Variants in KCNJ3 observed in about 807,000 individuals in gnomAD.
The protein encoded by KCNJ3 is potassium inwardly rectifying channel subfamily J member 3.
KCNJ3 carries 4 observed loss-of-function variants against 39.2 expected under a neutral mutation model. The ratio of observed to expected loss-of-function variants is 0.10; its 90% CI spans 0.05 to 0.23. KCNJ3 has a LOEUF of 0.23. Among genes scored for constraint, KCNJ3 ranks in the 10% least tolerant of loss-of-function variants. The pLI, the probability that KCNJ3 is intolerant of heterozygous loss-of-function variation, is 1.00. For synonymous variants in KCNJ3, 230 were observed against 237.4 expected, an observed-to-expected ratio of 0.97 and a Z score of 0.29; for missense variants, 276 against 634.9, an observed-to-expected ratio of 0.43 and a Z score of 6.08.
intron 2 of KCNJ3, among the ~76,000 whole-genome samples, chr2:154,817,457 A>C (rs902948090): frequency 6.6e-6 from 1 of 152,178 alleles, no homozygotes; most frequent in African/African-American, 2.4e-5. Flanking sequence ...AAGTTTGCAC[A>C]ATCACTGCTG....
chr2:154,760,644 C>T (rs1467020417), intron 2 of KCNJ3, among the ~76,000 whole-genome samples: 1 of 151,862 alleles, frequency 6.6e-6, no homozygotes, highest in Non-Finnish European at 1.5e-5. Context: ...GCCTCAACCT[C>T]CTGGGCTGAA....
chr2:154,783,698 T>G (rs2105205212), intron 2 of KCNJ3, among the ~76,000 whole-genome samples: 1 of 152,300 alleles, frequency 6.6e-6, no homozygotes, highest in East Asian at 1.9e-4. Context: ...TTGGCACAGC[T>G]GCTAAGTACT....
At chr2:154,813,850 C>T (rs73965506) in intron 2 of KCNJ3, among the ~76,000 whole-genome samples, 37 of 152,296 alleles carry the variant, frequency 2.4e-4, no homozygotes, top group African/African-American at 8.7e-4. Context: ...ATCTTCCTCA[C>T]ATAGAACAAT....
At chr2:154,788,622 AGTAACACTT>A (rs1456678816) in intron 2 of KCNJ3, among the ~76,000 whole-genome samples, 3 of 152,114 alleles carry the variant, frequency 2.0e-5, no homozygotes, top group Non-Finnish European at 4.4e-5. Flanking sequence ...TGAGATAGCC[AGTAACACTT>A]GTTATTGACA....
intron 2 of KCNJ3, among the ~76,000 whole-genome samples, chr2:154,772,601 T>G (rs939560958): frequency 6.6e-6 from 1 of 152,170 alleles, no homozygotes; most frequent in African/African-American, 2.4e-5. Context: ...CCTTTTACTT[T>G]CCATTTTACT....
chr2:154,829,320 C>CTTCT (rs1172068761), intron 2 of KCNJ3, among the ~76,000 whole-genome samples: 2 of 152,046 alleles, frequency 1.3e-5, no homozygotes, highest in Non-Finnish European at 2.9e-5. Context: ...CTATTGTTTC[C>CTTCT]TTCTTTATTT....
At position 154,712,194 on chromosome 2, in the gene KCNJ3, C is replaced by T. The variant is rs565484534; in HGVS notation, c.919+2375C>T. On this transcript the variant is annotated intron_variant, in intron 2 of 2. Coordinates refer to ENST00000295101, the MANE Select transcript of KCNJ3 (RefSeq NM_002239.4). ...ATAAAATCTCTGTATATTTCCAGAC[C>T]TCCCTGAGCCTGGTAAAAATAACAA... Among the ~76,000 whole-genome samples the T allele has an allele frequency of 2.7e-3, 412 of 152,232 alleles. 3 individuals carry two copies. Among genetic ancestry groups the T allele is most frequent in the African/African-American group, 9.4e-3 (392 of 41,538 alleles).
At chr2:154,734,766 TGA>T (rs996701760) in intron 2 of KCNJ3, among the ~76,000 whole-genome samples, 1 of 151,982 alleles carries the variant, frequency 6.6e-6, no homozygotes, top group Non-Finnish European at 1.5e-5. Flanking sequence ...AAAAAAACAT[TGA>T]GAGTGAGGTT....
At chr2:154,846,719 T>C (rs1236405036) in intron 2 of KCNJ3, among the ~76,000 whole-genome samples, 1 of 152,200 alleles carries the variant, frequency 6.6e-6, no homozygotes, top group Non-Finnish European at 1.5e-5. Flanking sequence ...CTTTAGCATC[T>C]GCACTTATCT....
At chr2:154,837,544 C>A (rs948549304) in intron 2 of KCNJ3, among the ~76,000 whole-genome samples, 8 of 152,030 alleles carry the variant, frequency 5.3e-5, no homozygotes, top group African/African-American at 1.9e-4. Context: ...GAATGGAAGA[C>A]TTTTATTATT....
At chr2:154,762,137 A>G (rs1409402515) in intron 2 of KCNJ3, among the ~76,000 whole-genome samples, 1 of 152,198 alleles carries the variant, frequency 6.6e-6, no homozygotes, top group Non-Finnish European at 1.5e-5. Flanking sequence ...CCTTGGTGTT[A>G]TACTTCTGAT....
At chr2:154,781,893 A>T (rs112844359) in intron 2 of KCNJ3, among the ~76,000 whole-genome samples, 2,423 of 152,290 alleles carry the variant, frequency 0.016, 61 homozygotes, top group African/African-American at 0.055. Flanking sequence ...AATTACATTT[A>T]TTCAGTGTTT....
At chr2:154,845,327 C>A (rs535425316) in intron 2 of KCNJ3, among the ~76,000 whole-genome samples, 1 of 151,976 alleles carries the variant, frequency 6.6e-6, no homozygotes, top group Admixed American at 6.6e-5. Context: ...CCATGTTGTT[C>A]AGGCTGGTCT....
chr2:154,740,405 A>G (rs1685632664), intron 2 of KCNJ3, among the ~76,000 whole-genome samples: 1 of 152,008 alleles, frequency 6.6e-6, no homozygotes, highest in Admixed American at 6.6e-5. Context: ...TTAGTAGCGT[A>G]ACTATTTAAT....
At chr2:154,813,785 G>C (rs1169590369) in intron 2 of KCNJ3, among the ~76,000 whole-genome samples, 1 of 152,184 alleles carries the variant, frequency 6.6e-6, no homozygotes, top group African/African-American at 2.4e-5. Flanking sequence ...AGGATACAAT[G>C]TTAACACTGT....
Position 154,708,451 on chromosome 2 carries a change from G to A in KCNJ3, c.703-1152G>A, listed in dbSNP as rs922121493. Among the ~76,000 whole-genome samples the A allele has an allele frequency of 5.9e-5, 9 of 152,230 alleles. No homozygotes were observed. In the South Asian group the frequency reaches 1.9e-3, roughly 32 times the overall value. On this transcript the variant is annotated intron_variant, in intron 1 of 2. Transcript: ENST00000295101. ...CTTCAAACTATCACTTCATTGGGCA[G>A]ACCAGTCTTACAGATTGTTTTGTTA...
At chr2:154,742,373 A>G (rs1446368521) in intron 2 of KCNJ3, among the ~76,000 whole-genome samples, 1 of 151,752 alleles carries the variant, frequency 6.6e-6, no homozygotes, top group Non-Finnish European at 1.5e-5. Context: ...CCCTGCTTTC[A>G]GGTCTTTTGG....
chr2:154,728,461 T>C (rs1044167054), intron 2 of KCNJ3, among the ~76,000 whole-genome samples: 2 of 152,214 alleles, frequency 1.3e-5, no homozygotes, highest in African/African-American at 4.8e-5. Flanking sequence ...CAAAGTTTTG[T>C]GAAGTTACAA....
chr2:154,828,725 A>AAAC (rs1687311588), intron 2 of KCNJ3, among the ~76,000 whole-genome samples: 1 of 152,138 alleles, frequency 6.6e-6, no homozygotes, highest in Non-Finnish European at 1.5e-5. Context: ...AATCTCTTTT[A>AAAC]AACTAATTAT....
Sources: gnomAD v4.1 joint callset for allele counts (sites outside exome capture counted in the v4.1 genomes callset) on GRCh38, gnomAD v4.1.1 for gene constraint, MANE v1.5 for transcripts, NCBI Gene and HGNC (gene_info 2026-07-23, HGNC 2026-07-21) for gene names.